PTPN20: variants seen among roughly 807,000 people sequenced by gnomAD.
PTPN20 encodes the protein protein tyrosine phosphatase non-receptor type 20, also known as tyrosine-protein phosphatase non-receptor type 20.
In PTPN20, 9 loss-of-function variants were observed where a neutral mutation model predicts 35.0. The ratio of observed to expected loss-of-function variants is 0.26; its 90% CI spans 0.15 to 0.45. PTPN20 has a LOEUF of 0.45. Ranked by LOEUF, PTPN20 falls within the 20% of genes least tolerant of loss-of-function variation. The pLI, the probability that PTPN20 is intolerant of heterozygous loss-of-function variation, is 1.00. For synonymous variants in PTPN20, 32 were observed against 100.2 expected (o/e 0.32, Z 4.06); for missense variants, 111 against 312.5 (o/e 0.36, Z 4.86).
At position 46,983,427 on chromosome 10, in the gene PTPN20, G is replaced by T. The variant is rs1218670711; in HGVS notation, c.584-803G>T. Among the ~76,000 whole-genome samples the T allele has an allele frequency of 8.4e-4, 127 of 151,708 alleles. 1 individual carries two copies. The highest frequency in any genetic ancestry group is 1.4e-3 in the Non-Finnish European group (92 of 67,976). On this transcript the variant is annotated intron_variant, in intron 7 of 10. Coordinates refer to ENST00000374339, the MANE Select transcript of PTPN20 (RefSeq NM_001042357.5). ...ATTGGTGAGAGAGCTGCATGGCAGA[G>T]AAGGGCCTCCTTTGCTGTGTGTGTT...
chr10:46,997,143 T>C (rs1374451172), intron 9 of PTPN20, among the ~76,000 whole-genome samples: 3 of 152,332 alleles, frequency 2.0e-5, no homozygotes, highest in African/African-American at 7.2e-5. Context: ...TTTTGAATTC[T>C]TGCATCAGCA....
intron 5 of PTPN20, among the ~76,000 whole-genome samples, chr10:46,957,712 A>C (rs2048829596): frequency 6.8e-6 from 1 of 146,080 alleles, no homozygotes; most frequent in Non-Finnish European, 1.5e-5. Flanking sequence ...ACTGTACTTC[A>C]GCCTGCGCAA....
chr10:46,950,560 G>A (rs1376149520), intron 5 of PTPN20, among the ~76,000 whole-genome samples: 1 of 151,756 alleles, frequency 6.6e-6, no homozygotes, highest in East Asian at 1.9e-4. Flanking sequence ...AATTGGGTAT[G>A]TATTGTTCTT....
In PTPN20 at chr10:47,001,076, T is replaced by C; in HGVS notation, c.*335T>C. On this transcript the variant is annotated 3_prime_UTR_variant, in exon 11 of 11. Transcript: ENST00000374339. ...TTAAAATATATTCATTAAGATTTTATTTGGAAAGGTGGCTGGAGAGAGCTG... is the reference window on the plus strand; with the variant it reads ...TTAAAATATATTCATTAAGATTTTACTTGGAAAGGTGGCTGGAGAGAGCTG... 3.1e-6 allele frequency: 1 copy of C among 327,246 alleles called. No homozygotes were observed. The allele number at this position is 327,246 out of a possible 1,614,324, so 20.3% of individuals were successfully genotyped here. A position where few individuals can be genotyped will look rare whatever the true frequency, so the allele number is the denominator to read the frequency against.
chr10:46,998,006 C>T (rs2059445424), intron 9 of PTPN20, among the ~76,000 whole-genome samples: 1 of 152,260 alleles, frequency 6.6e-6, no homozygotes, highest in Admixed American at 6.5e-5. Flanking sequence ...ATGTATGAGA[C>T]ATTGGGAATG....
At position 47,002,166 on chromosome 10, in the gene PTPN20, T is replaced by C. The variant is rs989803065; in HGVS notation, c.*1425T>C. On this transcript the variant is annotated 3_prime_UTR_variant, in exon 11 of 11. Coordinates refer to ENST00000374339, the MANE Select transcript of PTPN20 (RefSeq NM_001042357.5). ...ATTCTGTTTACATTGTTCATATGAA[T>C]AATAATCTGTGTTAATTTCATTTTG... The C allele has an allele frequency of 6.6e-6, 1 of 152,500 alleles. No individual in the cohort carries two copies. The highest frequency in any genetic ancestry group is 1.5e-5 in the Non-Finnish European group (1 of 67,962). The allele number at this position is 152,500 out of a possible 1,614,324, so 9.4% of individuals were successfully genotyped here.
At chr10:46,925,495 T>TTGC (rs1183970748) in intron 1 of PTPN20, among the ~76,000 whole-genome samples, 1,658 of 147,148 alleles carry the variant, frequency 0.011, 20 homozygotes, top group Non-Finnish European at 0.018. Flanking sequence ...TGAGGAGAAC[T>TTGC]TGCTGCTGCT....
rs1290427485 is a variant in PTPN20, at chr10:46,993,783, T to C, written c.1135-6129T>C. On this transcript the variant is annotated intron_variant, in intron 9 of 10. Coordinates refer to ENST00000374339, the MANE Select transcript of PTPN20 (RefSeq NM_001042357.5). The stretch of plus-strand genomic sequence containing the variant: ...TGTAGCTATTACGGCTTTTTATGAG[T>C]TTATCTTTCAGCTTCATACCAGAGT... 2.0e-5 allele frequency among the ~76,000 whole-genome samples: 3 copies of C among 152,332 alleles called. No homozygotes were observed. In the East Asian group the frequency reaches 5.8e-4, roughly 29 times the overall value.
chr10:46,993,608 A>G (rs2058437764), intron 9 of PTPN20, among the ~76,000 whole-genome samples: 1 of 152,244 alleles, frequency 6.6e-6, no homozygotes, highest in South Asian at 2.1e-4. Context: ...TAAAGAAGTG[A>G]CAACTTATCT....
intron 5 of PTPN20, among the ~76,000 whole-genome samples, chr10:46,963,860 A>G: frequency 1.5e-5 from 1 of 68,734 alleles, no homozygotes; most frequent in African/African-American, 1.0e-4. Context: ...CAATGGGAAG[A>G]TCTAAGGGTT....
In PTPN20 at chr10:46,940,414, TAGA is replaced by T. The variant is rs1407196840; in HGVS notation, c.35-203_35-201del. On this transcript the variant is annotated intron_variant, in intron 2 of 10. Transcript: ENST00000374339. Reference sequence around the variant, plus strand: ...AAAGTCAACTCCCTGAGGATAATCCTAGAAGAAGGATCAGCTTTGCTATGTTGA... The same window carrying T: ...AAAGTCAACTCCCTGAGGATAATCCTAGAAGGATCAGCTTTGCTATGTTGA... Among the ~76,000 whole-genome samples the T allele has an allele frequency of 4.7e-5, 7 of 148,704 alleles. No homozygotes were observed. In the South Asian group the frequency reaches 6.5e-4, roughly 14 times the overall value.
At chr10:46,948,648 T>C (rs2045734832) in intron 5 of PTPN20, among the ~76,000 whole-genome samples, 1 of 151,856 alleles carries the variant, frequency 6.6e-6, no homozygotes, top group Admixed American at 6.6e-5. Flanking sequence ...TTTTGGTCTC[T>C]TCCTGTTTCG....
intron 2 of PTPN20, among the ~76,000 whole-genome samples, chr10:46,936,327 C>T (rs1157616403): frequency 6.6e-6 from 1 of 151,990 alleles, no homozygotes; most frequent in African/African-American, 2.4e-5. Flanking sequence ...CTTGTTTATA[C>T]ATCTGGTAGA....
At chr10:46,976,845 A>ATCTC (rs1177875578) in intron 7 of PTPN20, among the ~76,000 whole-genome samples, 1 of 130,020 alleles carries the variant, frequency 7.7e-6, no homozygotes, top group East Asian at 2.2e-4. Flanking sequence ...TACTTTCTCT[A>ATCTC]TCTCTCTCTC....
chr10:46,929,297 T>A (rs1259351297), intron 1 of PTPN20, among the ~76,000 whole-genome samples: 2 of 132,068 alleles, frequency 1.5e-5, no homozygotes, highest in Non-Finnish European at 3.1e-5. Flanking sequence ...CTTTCCTCAG[T>A]GCTCTATCAC....
intron 9 of PTPN20, among the ~76,000 whole-genome samples, chr10:46,997,463 A>G (rs2059328605): frequency 6.6e-6 from 1 of 151,818 alleles, no homozygotes. Flanking sequence ...TACAATCTGT[A>G]TACATCCTAC....
chr10:46,933,442 A>G (rs1315974276), intron 2 of PTPN20, among the ~76,000 whole-genome samples: 1 of 150,818 alleles, frequency 6.6e-6, no homozygotes, highest in Non-Finnish European at 1.5e-5. Context: ...ACTTGATACC[A>G]TCTGACCAAC....
intron 7 of PTPN20, among the ~76,000 whole-genome samples, chr10:46,972,238 G>A (rs1376314643): frequency 2.6e-5 from 4 of 151,132 alleles, no homozygotes; most frequent in Non-Finnish European, 5.9e-5. Flanking sequence ...TACAAATCAA[G>A]AAGAGGACAA....
intron 7 of PTPN20, among the ~76,000 whole-genome samples, chr10:46,975,999 A>G (rs1486596005): frequency 6.6e-6 from 1 of 151,200 alleles, no homozygotes; most frequent in Non-Finnish European, 1.5e-5. Context: ...CTTGGAGTGC[A>G]GTAGCATAAT....
Sources: allele counts gnomAD v4.1 joint callset (sites outside exome capture counted in the v4.1 genomes callset), GRCh38; gene constraint gnomAD v4.1.1; transcripts MANE v1.5; gene names NCBI Gene and HGNC (gene_info 2026-07-23, HGNC 2026-07-21).